Variants in AXDND1 observed in about 807,000 individuals in gnomAD.
AXDND1 encodes the protein axonemal dynein light chain domain containing 1, also known as axonemal dynein light chain domain-containing protein 1.
AXDND1 carries 110 observed loss-of-function variants against 137.5 expected under a neutral mutation model. That is an observed-to-expected ratio of 0.80 (90% CI 0.69 to 0.94). The LOEUF (loss-of-function observed/expected upper bound fraction) is 0.94. Among genes scored for constraint, AXDND1 ranks in the 40% least tolerant of loss-of-function variants. The pLI, the probability that AXDND1 is intolerant of heterozygous loss-of-function variation, is 0.00. For synonymous variants in AXDND1, 414 were observed against 399.7 expected, an observed-to-expected ratio of 1.04 and a Z score of -0.43; for missense variants, 1,191 against 1,169.8, an observed-to-expected ratio of 1.02 and a Z score of -0.26.
intron 17 of AXDND1, among the ~76,000 whole-genome samples, chr1:179,480,762 T>G (rs1017858177): frequency 7.2e-5 from 11 of 151,966 alleles, no homozygotes; most frequent in African/African-American, 2.7e-4. Flanking sequence ...GATCTTGCTC[T>G]CAAGAAGGTG....
chr1:179,433,258 C>T (rs1258155638), intron 15 of AXDND1, among the ~76,000 whole-genome samples: 1 of 151,964 alleles, frequency 6.6e-6, no homozygotes, highest in Admixed American at 6.6e-5. Context: ...CGATTCTTCT[C>T]TCTTCTTTAT....
rs144461293 is a variant in AXDND1, at chr1:179,506,753, C to T, written c.2389-2543C>T. 2.4e-5 allele frequency: 13 copies of T among 552,384 alleles called. No homozygotes were observed. In the East Asian group the frequency reaches 1.3e-3, roughly 56 times the overall value. 34.2% of individuals were successfully genotyped at this position (552,384 alleles called of 1,614,324 possible). ...TCAAAAAAACAAAACAAAACTTCCT[C>T]TATGCCATTTGGTCTCATCTCTGCC... is the stretch of plus-strand genomic sequence containing the variant. On this transcript the variant is annotated intron_variant, in intron 20 of 25. Coordinates refer to ENST00000367618, the MANE Select transcript of AXDND1 (RefSeq NM_144696.6).
intron 17 of AXDND1, among the ~76,000 whole-genome samples, chr1:179,482,579 G>A (rs1490276335): frequency 6.6e-6 from 1 of 152,140 alleles, no homozygotes; most frequent in Non-Finnish European, 1.5e-5. Context: ...AGAGGAAGGA[G>A]CAGTCATGGT....
intron 25 of AXDND1, chr1:179,545,350 C>T (rs1415257792): frequency 2.0e-5 from 3 of 152,240 alleles, no homozygotes; most frequent in Non-Finnish European, 4.4e-5. Flanking sequence ...TAAGCCAACC[C>T]TGGCCAGGCC....
intron 20 of AXDND1, among the ~76,000 whole-genome samples, chr1:179,495,653 A>G (rs1399751740): frequency 1.3e-5 from 2 of 151,382 alleles, no homozygotes; most frequent in Non-Finnish European, 3.0e-5. Flanking sequence ...GCAGATAGGG[A>G]CAGTTTTATT....
intron 11 of AXDND1, among the ~76,000 whole-genome samples, chr1:179,397,778 G>A (rs1197782021): frequency 6.6e-6 from 1 of 152,046 alleles, no homozygotes; most frequent in Non-Finnish European, 1.5e-5. Flanking sequence ...GGTTTATTCT[G>A]CTATTAATAC....
intron 18 of AXDND1, among the ~76,000 whole-genome samples, chr1:179,483,723 A>G (rs61826054): frequency 0.11 from 16,459 of 152,220 alleles, 1,187 homozygotes; most frequent in East Asian, 0.35. Context: ...TAATTTTTAT[A>G]GTGTGGGATT....
intron 25 of AXDND1, among the ~76,000 whole-genome samples, chr1:179,552,912 C>G (rs12118069): frequency 1.3e-5 from 2 of 152,228 alleles, no homozygotes; most frequent in African/African-American, 4.8e-5. Flanking sequence ...GCTGTAGTTT[C>G]TCATTATCAG....
At chr1:179,435,819 A>C (rs1373870632) in intron 15 of AXDND1, among the ~76,000 whole-genome samples, 1 of 152,254 alleles carries the variant, frequency 6.6e-6, no homozygotes, top group East Asian at 1.9e-4. Context: ...AATTGCAACA[A>C]AAACCAAAAT....
At chr1:179,517,773 C>A (rs1669682985) in intron 21 of AXDND1, among the ~76,000 whole-genome samples, 1 of 152,248 alleles carries the variant, frequency 6.6e-6, no homozygotes, top group Admixed American at 6.5e-5. Context: ...CCCACTTTCG[C>A]AGTTTGGGCA....
At chr1:179,396,296 G>A (rs1036148978) in intron 11 of AXDND1, among the ~76,000 whole-genome samples, 1 of 151,616 alleles carries the variant, frequency 6.6e-6, no homozygotes, top group African/African-American at 2.4e-5. Flanking sequence ...CTAATCAATA[G>A]TTGGTATGTA....
At position 179,459,958 on chromosome 1, in the gene AXDND1, C is replaced by CTTCT. The variant is rs142428616; in HGVS notation, c.1799-8470_1799-8467dup. Among the ~76,000 whole-genome samples, 9 of 127,700 alleles carry CTTCT rather than the reference C, an allele frequency of 7.0e-5. No individual in the cohort carries two copies. The South Asian group carries it at 1.2e-3, about 17-fold the overall frequency. 83.8% of individuals were successfully genotyped at this position (127,700 alleles called of 152,430 possible). A position where few individuals can be genotyped will look rare whatever the true frequency, so the allele number is the denominator to read the frequency against. On this transcript the variant is annotated intron_variant, in intron 16 of 25. Coordinates refer to ENST00000367618, the MANE Select transcript of AXDND1 (RefSeq NM_144696.6). ...CTTCTCTCTCTCTTTTCTTTTCTTCCTTCTTTCTTTCTTTCTTTTTCTTTC... is the reference window on the plus strand; with the variant it reads ...CTTCTCTCTCTCTTTTCTTTTCTTCCTTCTTTCTTTCTTTCTTTCTTTTTCTTTC...
chr1:179,517,812 C>T (rs1225260121), intron 21 of AXDND1, among the ~76,000 whole-genome samples: 1 of 152,208 alleles, frequency 6.6e-6, no homozygotes, highest in Non-Finnish European at 1.5e-5. Flanking sequence ...TCTCCCAGGT[C>T]CTGCAGGAGC....
intron 15 of AXDND1, among the ~76,000 whole-genome samples, chr1:179,440,331 A>T (rs1658807279): frequency 6.6e-6 from 1 of 152,246 alleles, no homozygotes; most frequent in Non-Finnish European, 1.5e-5. Context: ...AGACAATGTC[A>T]CTGTACATGA....
chr1:179,432,420 C>G, intron 15 of AXDND1, 78 bp downstream of exon 15: 1 of 1,384,376 alleles, frequency 7.2e-7, no homozygotes, highest in Non-Finnish European at 9.4e-7. Flanking sequence ...AACTGAGGCA[C>G]ATCCCATCCT....
intron 20 of AXDND1, among the ~76,000 whole-genome samples, chr1:179,499,045 G>C (rs1472377857): frequency 1.3e-5 from 2 of 152,212 alleles, no homozygotes; most frequent in South Asian, 4.2e-4. Context: ...ACTTAAAACA[G>C]AGCTACAGTT....
At chr1:179,440,018 C>T (rs1018777923) in intron 15 of AXDND1, among the ~76,000 whole-genome samples, 4 of 152,190 alleles carry the variant, frequency 2.6e-5, no homozygotes, top group Non-Finnish European at 5.9e-5. Context: ...TAACACTTGC[C>T]AGTGTCTTTC....
rs922602789 is a variant in AXDND1 at position 179,438,427 on chromosome 1, C to T, written c.1563+6085C>T. Among the ~76,000 whole-genome samples the T allele has an allele frequency of 4.6e-5, 7 of 152,270 alleles. No individual in the cohort carries two copies. The South Asian group carries it at 8.3e-4, about 18-fold the overall frequency. ...TGTTAATTTTATTCTGAAGTGGCCACGCTTGGTCGGCTGTGTGCATCCACT... is the reference window on the plus strand; with the variant it reads ...TGTTAATTTTATTCTGAAGTGGCCATGCTTGGTCGGCTGTGTGCATCCACT... On this transcript the variant is annotated intron_variant, in intron 15 of 25. Coordinates refer to ENST00000367618, the MANE Select transcript of AXDND1 (RefSeq NM_144696.6).
At position 179,496,218 on chromosome 1, in the gene AXDND1, G is replaced by A. The variant is rs185409558; in HGVS notation, c.2388+3267G>A. Among the ~76,000 whole-genome samples the A allele has an allele frequency of 1.8e-3, 268 of 151,962 alleles. 1 individual carries two copies. Among genetic ancestry groups the A allele is most frequent in the Non-Finnish European group, 3.0e-3 (202 of 67,850 alleles). On this transcript the variant is annotated intron_variant, in intron 20 of 25. Coordinates refer to ENST00000367618, the MANE Select transcript of AXDND1 (RefSeq NM_144696.6). ...TGGTTTTGATATCAGGGTAATGCTG[G>A]CCTTTTAAAATGAGTTAAGAAGTGT...
Sources: gnomAD v4.1 joint callset for allele counts (sites outside exome capture counted in the v4.1 genomes callset) on GRCh38, gnomAD v4.1.1 for gene constraint, MANE v1.5 for transcripts, NCBI Gene and HGNC (gene_info 2026-07-23, HGNC 2026-07-21) for gene names.